ULK4: variants seen among roughly 807,000 people sequenced by gnomAD.
ULK4 encodes unc-51 like kinase 4, also known as inactive serine/threonine-protein kinase ULK4.
Under a neutral mutation model 160.6 loss-of-function variants are expected in ULK4, and 133 were observed. The observed-to-expected ratio is 0.83, with a 90% CI of 0.72 to 0.96. ULK4 has a LOEUF of 0.96. Ranked by LOEUF, ULK4 falls within the 40% of genes least tolerant of loss-of-function variation. The probability of loss-of-function intolerance (pLI) is 0.00; values close to 1 mark genes in which losing one functional copy is unlikely to be tolerated. For missense variants in ULK4, 1,580 were observed against 1,499.5 expected, an observed-to-expected ratio of 1.05 and a Z score of -0.89; for synonymous variants, 534 against 539.8, an observed-to-expected ratio of 0.99 and a Z score of 0.15.
intron 32 of ULK4, among the ~76,000 whole-genome samples, chr3:41,510,800 C>T (rs1388233476): frequency 1.3e-5 from 2 of 152,096 alleles, no homozygotes; most frequent in African/African-American, 4.8e-5. Context: ...GTGACACAAG[C>T]TATCAAAACC....
At chr3:41,405,819 T>C (rs1257948189) in intron 34 of ULK4, among the ~76,000 whole-genome samples, 1 of 152,176 alleles carries the variant, frequency 6.6e-6, no homozygotes, top group Non-Finnish European at 1.5e-5. Context: ...AATGAGTTTT[T>C]TTTTTGTTTG....
At chr3:41,841,786 T>G (rs1465614848) in intron 17 of ULK4, among the ~76,000 whole-genome samples, 2 of 152,264 alleles carry the variant, frequency 1.3e-5, no homozygotes, top group Non-Finnish European at 1.5e-5. Context: ...CATTTTGTTC[T>G]GTACTAAGAA....
intron 2 of ULK4, among the ~76,000 whole-genome samples, chr3:41,941,582 G>A (rs1490432149): frequency 4.0e-5 from 6 of 150,814 alleles, no homozygotes; most frequent in Non-Finnish European, 7.4e-5. Flanking sequence ...CAACTTGTAA[G>A]AAACTACAAA....
At chr3:41,546,230 G>A (rs2086857228) in intron 32 of ULK4, among the ~76,000 whole-genome samples, 1 of 151,906 alleles carries the variant, frequency 6.6e-6, no homozygotes, top group African/African-American at 2.4e-5. Flanking sequence ...TAGTGCTACT[G>A]ATTTTTGTTC....
intron 34 of ULK4, among the ~76,000 whole-genome samples, chr3:41,442,559 GC>G (rs1273585327): frequency 1.3e-5 from 2 of 152,140 alleles, no homozygotes; most frequent in Non-Finnish European, 2.9e-5. Flanking sequence ...AAATTAGGTT[GC>G]TCCATGATCT....
chr3:41,864,089 C>G (rs981407166), intron 17 of ULK4, among the ~76,000 whole-genome samples: 1 of 152,120 alleles, frequency 6.6e-6, no homozygotes, highest in African/African-American at 2.4e-5. Flanking sequence ...CTGCAGCGCT[C>G]AGTGGTACGA....
intron 30 of ULK4, among the ~76,000 whole-genome samples, chr3:41,657,818 T>TAAAAAAAAAAAAAAACAAAAAA (rs2034996821): frequency 1.0e-5 from 1 of 99,760 alleles, no homozygotes; most frequent in African/African-American, 6.7e-5. Context: ...TCCATCTCAT[T>TAAAAAAAAAAAAAAACAAAAAA]AAAAAAAAAA....
chr3:41,838,889 G>A (rs561268323), intron 17 of ULK4, among the ~76,000 whole-genome samples: 2 of 152,292 alleles, frequency 1.3e-5, no homozygotes, highest in East Asian at 3.9e-4. Flanking sequence ...TATAGACATG[G>A]AGAGTAGAAC....
chr3:41,433,820 C>T lies in ULK4; in HGVS notation c.3492+21677G>A, dbSNP rs369558798. ...CTGCAACCTCCGCCTTCCGGGTTCA[C>T]GCCGTTCTCCTGCCTCAGCCTCCAG... On this transcript the variant is annotated intron_variant, in intron 34 of 36. Transcript: ENST00000301831. Among the ~76,000 whole-genome samples, 9 of 152,148 alleles carry T rather than the reference C, an allele frequency of 5.9e-5. No individual in the cohort carries two copies. In the South Asian group the frequency reaches 6.2e-4, roughly 11 times the overall value.
At chr3:41,383,868 A>G (rs747707447) in intron 35 of ULK4, among the ~76,000 whole-genome samples, 2 of 152,134 alleles carry the variant, frequency 1.3e-5, no homozygotes. Flanking sequence ...GAGAGTTATT[A>G]TATCTGTTAC....
In ULK4 at chr3:41,754,440, T is replaced by G. The variant is rs1271620062; in HGVS notation, c.2242A>C (p.Ile748Leu). Residue 748 changes from isoleucine (I) to leucine (L), a missense_variant, in exon 22 of 37, where the codon ATT becomes CTT. Physicochemically the swap from Ile to Leu is conservative, Grantham distance 5 (BLOSUM62 2). Coordinates refer to ENST00000301831, the MANE Select transcript of ULK4 (RefSeq NM_017886.4). ...IRLLDSPSTC[I>L]RAKAFLVLLY... Reference sequence around the variant, plus strand: ...AGAACCAGGAAGGCTTTTGCTCTAATGCATGTTGAGGGGCTGTCAAGTAAA... The same window carrying G: ...AGAACCAGGAAGGCTTTTGCTCTAAGGCATGTTGAGGGGCTGTCAAGTAAA... The G allele has an allele frequency of 1.2e-6, 2 of 1,613,730 alleles. No homozygotes were observed. The highest frequency in any genetic ancestry group is 1.7e-6 in the Non-Finnish European group (2 of 1,179,884).
intron 32 of ULK4, among the ~76,000 whole-genome samples, chr3:41,515,631 G>A (rs754533060): frequency 2.0e-5 from 3 of 152,176 alleles, no homozygotes; most frequent in African/African-American, 4.8e-5. Flanking sequence ...ATGGTGGCAG[G>A]AGAGAGACGG....
intron 32 of ULK4, among the ~76,000 whole-genome samples, chr3:41,506,093 CTT>C (rs948073021): frequency 2.0e-5 from 3 of 152,118 alleles, no homozygotes; most frequent in African/African-American, 7.2e-5. Flanking sequence ...CTAGAAATGT[CTT>C]TCACATAAAC....
At chr3:41,642,624 A>G (rs1455030764) in intron 30 of ULK4, among the ~76,000 whole-genome samples, 1 of 152,172 alleles carries the variant, frequency 6.6e-6, no homozygotes, top group African/African-American at 2.4e-5. Context: ...AGTCTTCGCT[A>G]TTGTGAACAG....
chr3:41,780,661 C>G lies in ULK4; in HGVS notation c.2193+9000G>C, dbSNP rs1446373174. 2.6e-5 allele frequency among the ~76,000 whole-genome samples: 4 copies of G among 152,180 alleles called. No individual in the cohort carries two copies. The East Asian group carries it at 7.7e-4, about 29-fold the overall frequency. On this transcript the variant is annotated intron_variant, in intron 21 of 36. Transcript: ENST00000301831. Reference sequence around the variant, plus strand: ...GCCACCTAGGCTTAGGAACTTCCAACCACACAAGCACCAACCTTGTAACAA... The same window carrying G: ...GCCACCTAGGCTTAGGAACTTCCAAGCACACAAGCACCAACCTTGTAACAA...
chr3:41,552,411 A>G (rs950971843), intron 32 of ULK4, among the ~76,000 whole-genome samples: 1 of 152,012 alleles, frequency 6.6e-6, no homozygotes, highest in Non-Finnish European at 1.5e-5. Context: ...TTAGTAAAGT[A>G]GAATGCAAAA....
At chr3:41,428,937 C>T (rs1199401292) in intron 34 of ULK4, among the ~76,000 whole-genome samples, 5 of 151,948 alleles carry the variant, frequency 3.3e-5, no homozygotes, top group Non-Finnish European at 7.4e-5. Context: ...AGTTTCTGCA[C>T]CACAAAAGAA....
intron 21 of ULK4, among the ~76,000 whole-genome samples, chr3:41,755,919 G>A (rs1485320462): frequency 1.3e-5 from 2 of 152,278 alleles, no homozygotes; most frequent in East Asian, 3.9e-4. Context: ...AGAAGAGCAA[G>A]CATCATGTCC....
intron 30 of ULK4, among the ~76,000 whole-genome samples, chr3:41,644,579 G>A (rs2034390741): frequency 6.6e-6 from 1 of 152,208 alleles, no homozygotes; most frequent in Non-Finnish European, 1.5e-5. Context: ...TGGATGTGCT[G>A]CTGGATTCGG....
Sources: gnomAD v4.1 joint callset for allele counts (sites outside exome capture counted in the v4.1 genomes callset) on GRCh38, gnomAD v4.1.1 for gene constraint, MANE v1.5 for transcripts, NCBI Gene and HGNC (gene_info 2026-07-23, HGNC 2026-07-21) for gene names.